The following GAPVD1 variants were observed in gnomAD, a reference collection of about 807,000 sequenced individuals.
GAPVD1 encodes the protein GTPase activating protein and VPS9 domains 1.
GAPVD1 carries 35 observed loss-of-function variants against 155.5 expected under a neutral mutation model. That is an observed-to-expected ratio of 0.23 (90% CI 0.17 to 0.30). The LOEUF (loss-of-function observed/expected upper bound fraction) is 0.30. GAPVD1 is among the 10% of genes least tolerant of loss of function. The pLI, the probability that GAPVD1 is intolerant of heterozygous loss-of-function variation, is 1.00. For synonymous variants in GAPVD1, 636 were observed against 619.7 expected, an observed-to-expected ratio of 1.03 and a Z score of -0.39; for missense variants, 1,429 against 1,775.7, an observed-to-expected ratio of 0.80 and a Z score of 3.51.
intron 10 of GAPVD1, among the ~76,000 whole-genome samples, chr9:125,322,377 T>C (rs543519364): frequency 6.6e-6 from 1 of 152,150 alleles, no homozygotes; most frequent in Non-Finnish European, 1.5e-5. Context: ...GGTTTTTTTT[T>C]ATTTAAAGAC....
chr9:125,268,173 AC>A lies in GAPVD1; in HGVS notation c.-198-762del, dbSNP rs766725773. 2.0e-4 allele frequency among the ~76,000 whole-genome samples: 30 copies of A among 149,384 alleles called. No homozygotes were observed. The East Asian group carries it at 4.5e-3, about 23-fold the overall frequency. The stretch of plus-strand genomic sequence containing the variant: ...GAACAAAACTCTGTCTCAAAAAAAA[AC>A]AACAACAAACAAACAAACAACCCCC... On this transcript the variant is annotated intron_variant, in intron 1 of 27. Coordinates refer to ENST00000297933, the MANE Select transcript of GAPVD1 (RefSeq NM_001282680.3).
At chr9:125,289,273 G>A (rs935648067) in intron 2 of GAPVD1, among the ~76,000 whole-genome samples, 3 of 152,106 alleles carry the variant, frequency 2.0e-5, no homozygotes, top group Non-Finnish European at 2.9e-5. Flanking sequence ...TTTTGAACAC[G>A]GGAGCCCTAT....
At chr9:125,315,564 T>C (rs1184735557) in intron 9 of GAPVD1, among the ~76,000 whole-genome samples, 1 of 152,154 alleles carries the variant, frequency 6.6e-6, no homozygotes, top group Non-Finnish European at 1.5e-5. Context: ...AAAGATCGTC[T>C]CAAAGGCTTG....
intron 2 of GAPVD1, among the ~76,000 whole-genome samples, chr9:125,287,596 G>A (rs1290657743): frequency 6.6e-6 from 1 of 152,168 alleles, no homozygotes; most frequent in African/African-American, 2.4e-5. Context: ...TAGGATTGGA[G>A]GGGTGGATTG....
At chr9:125,347,647 G>C (rs1848678451) in intron 20 of GAPVD1, among the ~76,000 whole-genome samples, 1 of 152,038 alleles carries the variant, frequency 6.6e-6, no homozygotes, top group Admixed American at 6.5e-5. Context: ...TTGATCCCAG[G>C]AGGCGGAGGT....
Position 125,338,036 on chromosome 9 carries a change from C to T in GAPVD1, c.2877+445C>T, listed in dbSNP as rs561049308. 3.3e-5 allele frequency among the ~76,000 whole-genome samples: 5 copies of T among 152,184 alleles called. No individual in the cohort carries two copies. In the South Asian group the frequency reaches 6.2e-4, roughly 19 times the overall value. ...GACTACAGGCATGCGCCACCACACCCGGCTAATTTTTTGCATTTTATTAGA... is the reference window on the plus strand; with the variant it reads ...GACTACAGGCATGCGCCACCACACCTGGCTAATTTTTTGCATTTTATTAGA... On this transcript the variant is annotated intron_variant, in intron 17 of 27. Coordinates refer to ENST00000297933, the MANE Select transcript of GAPVD1 (RefSeq NM_001282680.3).
intron 1 of GAPVD1, among the ~76,000 whole-genome samples, chr9:125,263,207 T>G (rs1377013053): frequency 2.6e-5 from 4 of 152,216 alleles, no homozygotes; most frequent in Non-Finnish European, 4.4e-5. Flanking sequence ...TGAAATAATT[T>G]GGGAGGCCGA....
rs1262322291 is a variant in GAPVD1, at chr9:125,303,758, A to T, written c.1029+932A>T. On this transcript the variant is annotated intron_variant, in intron 5 of 27. Coordinates refer to ENST00000297933, the MANE Select transcript of GAPVD1 (RefSeq NM_001282680.3). ...ACCGTTGCACTCCAGCCTGGGCAAC[A>T]AGAGCGAAACTCCGTCTCAAAAAAA... Among the ~76,000 whole-genome samples, 4 of 147,054 alleles carry T rather than the reference A, an allele frequency of 2.7e-5. No individual in the cohort carries two copies. The East Asian group carries it at 7.9e-4, about 29-fold the overall frequency.
At chr9:125,293,574 C>T (rs1341645838) in intron 2 of GAPVD1, among the ~76,000 whole-genome samples, 10 of 78,734 alleles carry the variant, frequency 1.3e-4, no homozygotes, top group Admixed American at 8.4e-4. Flanking sequence ...TTCAGCCTCC[C>T]GAGTAGCTGG....
intron 2 of GAPVD1, among the ~76,000 whole-genome samples, chr9:125,290,178 G>GT (rs2036293198): frequency 6.6e-6 from 1 of 152,116 alleles, no homozygotes; most frequent in Admixed American, 6.6e-5. Context: ...CTTTGAAAGA[G>GT]TTTTGTTGTA....
chr9:125,293,066 A>T (rs1347061172), intron 2 of GAPVD1, among the ~76,000 whole-genome samples: 1 of 152,184 alleles, frequency 6.6e-6, no homozygotes, highest in East Asian at 1.9e-4. Context: ...GATTTATGAT[A>T]TGGAATTTGG....
At chr9:125,283,853 A>G (rs181814651) in intron 2 of GAPVD1, among the ~76,000 whole-genome samples, 1 of 151,960 alleles carries the variant, frequency 6.6e-6, no homozygotes, top group East Asian at 1.9e-4. Context: ...CATTTGTAAT[A>G]TATGTATTTT....
At chr9:125,350,152 GTGGAGT>G in intron 21 of GAPVD1, 137 bp from the exon 22 acceptor site, 1 of 585,194 alleles carries the variant, frequency 1.7e-6, no homozygotes, top group East Asian at 3.4e-5. Context: ...GTTCTTTTAA[GTGGAGT>G]GTCAGTTAAG....
In GAPVD1 at chr9:125,293,833, AT is replaced by A. The variant is rs1564310277; in HGVS notation, c.-149-1624del. 1.5e-4 allele frequency among the ~76,000 whole-genome samples: 17 copies of A among 113,574 alleles called. No homozygotes were observed. The South Asian group carries it at 4.0e-3, about 26-fold the overall frequency. 74.5% of individuals were successfully genotyped at this position (113,574 alleles called of 152,430 possible). A position where few individuals can be genotyped will look rare whatever the true frequency, so the allele number is the denominator to read the frequency against. On this transcript the variant is annotated intron_variant, in intron 2 of 27. Transcript: ENST00000297933. ...ATTTATATATGAAATATAAAAAAAT[AT>A]ATATATAAAAATATATTTTATATAT...
Position 125,312,475 on chromosome 9 carries a change from A to T in GAPVD1, c.1465A>T (p.Asn489Tyr), listed in dbSNP as rs764543277. Residue 489 changes from asparagine to tyrosine, a missense_variant, in exon 9 of 28, where the codon AAT (asparagine) becomes TAT (tyrosine). Asn to Tyr is a moderately radical substitution (Grantham distance 143). Coordinates refer to ENST00000297933, the MANE Select transcript of GAPVD1 (RefSeq NM_001282680.3). The part of the protein sequence containing the change: ...PIATRSRSRT[N>Y]MLMDLHMDHE... Reference sequence around the variant, plus strand: ...AGCAACTCGGAGCAGAAGCCGCACCAATATGCTAATGGACCTACATATGGA... The same window carrying T: ...AGCAACTCGGAGCAGAAGCCGCACCTATATGCTAATGGACCTACATATGGA... The T allele has an allele frequency of 1.3e-6, 2 of 1,593,014 alleles. No individual in the cohort carries two copies. The highest frequency in any genetic ancestry group is 1.7e-6 in the Non-Finnish European group (2 of 1,173,114).
intron 2 of GAPVD1, among the ~76,000 whole-genome samples, chr9:125,269,530 C>T (rs1834530110): frequency 6.6e-6 from 1 of 151,262 alleles, no homozygotes; most frequent in Non-Finnish European, 1.5e-5. Context: ...CGTTCTGTCG[C>T]CCAGGCTGGA....
rs1042393041 is a variant in GAPVD1, at chr9:125,276,556, G to C, written c.-150+7572G>C. ...ATACAAAAATTAGCTGAGCGTGATGGTGTACGCCTGTAGTCCCAGCTACTC... is the reference window on the plus strand; with the variant it reads ...ATACAAAAATTAGCTGAGCGTGATGCTGTACGCCTGTAGTCCCAGCTACTC... On this transcript the variant is annotated intron_variant, in intron 2 of 27. Transcript: ENST00000297933. 7.2e-5 allele frequency among the ~76,000 whole-genome samples: 11 copies of C among 152,144 alleles called. 1 individual carries two copies. Among genetic ancestry groups the C allele is most frequent in the African/African-American group, 2.7e-4 (11 of 41,432 alleles).
At position 125,365,180 on chromosome 9, in the gene GAPVD1, G is replaced by A. The variant is rs1851394082; in HGVS notation, c.*2434G>A. On this transcript the variant is annotated 3_prime_UTR_variant, in exon 28 of 28. Coordinates refer to ENST00000297933, the MANE Select transcript of GAPVD1 (RefSeq NM_001282680.3). ...GGGTTCGGGTGCTCATGACTCCATA[G>A]CTGGCGGAGGAGCACAGCACAGCTG... 1 of 152,202 alleles carries A rather than the reference G, an allele frequency of 6.6e-6. No homozygotes were observed. The highest frequency in any genetic ancestry group is 6.5e-5 in the Admixed American group (1 of 15,278). 9.4% of individuals were successfully genotyped at this position (152,202 alleles called of 1,614,324 possible).
chr9:125,360,496 A>C (rs377452040), intron 26 of GAPVD1, 32 bp from the exon 27 acceptor site: 2 of 1,579,550 alleles, frequency 1.3e-6, no homozygotes, highest in African/African-American at 2.7e-5. Flanking sequence ...CACTGGATTC[A>C]GAATCTGTAT....
Sources: allele counts gnomAD v4.1 joint callset (sites outside exome capture counted in the v4.1 genomes callset), GRCh38; gene constraint gnomAD v4.1.1; transcripts MANE v1.5; gene names NCBI Gene and HGNC (gene_info 2026-07-23, HGNC 2026-07-21).